Variants in MXD1 observed in about 807,000 individuals in gnomAD.
MXD1 encodes the protein MAX dimerization protein 1, also known as MAX-binding protein.
Under a neutral mutation model 25.7 loss-of-function variants are expected in MXD1, and 9 were observed. That is an observed-to-expected ratio of 0.35 (90% CI 0.21 to 0.61). The LOEUF (loss-of-function observed/expected upper bound fraction) is 0.61, where lower values mean the gene tolerates loss of function less well. MXD1 is among the 20% of genes least tolerant of loss of function. The probability of loss-of-function intolerance (pLI) is 0.75; values close to 1 mark genes in which losing one functional copy is unlikely to be tolerated. For synonymous variants in MXD1, 99 were observed against 113.9 expected, an observed-to-expected ratio of 0.87 and a Z score of 0.83; for missense variants, 227 against 292.4, an observed-to-expected ratio of 0.78 and a Z score of 1.63.
At chr2:69,922,535 G>T (rs986252450) in intron 3 of MXD1, among the ~76,000 whole-genome samples, 2 of 152,158 alleles carry the variant, frequency 1.3e-5, no homozygotes, top group Non-Finnish European at 2.9e-5. Flanking sequence ...TGAGGGTAGA[G>T]AACAAAGGTT....
chr2:69,915,472 G>A lies in MXD1; in HGVS notation c.73+69G>A. On this transcript the variant is annotated intron_variant, in intron 1 of 5. Transcript: ENST00000264444. The surrounding 1 kb of genome is among the most constrained non-coding windows in gnomAD (Gnocchi z 5.8). ...GTCCTGTGGGGCCGGCCTCAGGTCC[G>A]GGCGCCCAGCCGCTCCGGGGGTGGT... 1 of 1,213,094 alleles carries A rather than the reference G, an allele frequency of 8.2e-7. No individual in the cohort carries two copies. Among genetic ancestry groups the A allele is most frequent in the Non-Finnish European group, 1.0e-6 (1 of 954,364 alleles). 75.1% of individuals were successfully genotyped at this position (1,213,094 alleles called of 1,614,324 possible).
intron 3 of MXD1, among the ~76,000 whole-genome samples, chr2:69,933,695 C>G (rs1031599324): frequency 6.6e-6 from 1 of 152,224 alleles, no homozygotes; most frequent in Non-Finnish European, 1.5e-5. Context: ...GGGGAACATC[C>G]TGAAGTCTCC....
chr2:69,925,076 G>T (rs1227247502), intron 3 of MXD1, among the ~76,000 whole-genome samples: 1 of 152,140 alleles, frequency 6.6e-6, no homozygotes, highest in South Asian at 2.1e-4. Flanking sequence ...ATGCCGTGTA[G>T]TAGGTGCTGG....
At chr2:69,935,291 C>G in intron 3 of MXD1, 60 bp from the exon 4 acceptor site, 9 of 1,213,556 alleles carry the variant, frequency 7.4e-6, no homozygotes, top group East Asian at 2.4e-5. Context: ...CTCATTCTGC[C>G]TGGGGTGCTT....
chr2:69,929,924 A>C (rs1417797467), intron 3 of MXD1, among the ~76,000 whole-genome samples: 4 of 152,198 alleles, frequency 2.6e-5, no homozygotes, highest in African/African-American at 7.2e-5. Context: ...TTATAATACA[A>C]TTTAATATCT....
intron 5 of MXD1, 84 bp downstream of exon 5, chr2:69,937,478 A>C: frequency 7.5e-7 from 1 of 1,333,462 alleles, no homozygotes; most frequent in Non-Finnish European, 1.0e-6. Flanking sequence ...CAGGAGGCAG[A>C]GTGTAAGAAG....
chr2:69,936,392 G>A (rs1332756819), intron 4 of MXD1, among the ~76,000 whole-genome samples: 2 of 152,130 alleles, frequency 1.3e-5, no homozygotes, highest in Admixed American at 1.3e-4. Flanking sequence ...CTAGGGTATC[G>A]GGCACAGAGT....
chr2:69,917,757 A>G (rs1339633884), intron 2 of MXD1, among the ~76,000 whole-genome samples: 1 of 152,026 alleles, frequency 6.6e-6, no homozygotes, highest in African/African-American at 2.4e-5. Context: ...GAAAAATAAT[A>G]GTAGTTAAGA....
At chr2:69,925,137 A>G (rs564798513) in intron 3 of MXD1, among the ~76,000 whole-genome samples, 27 of 152,074 alleles carry the variant, frequency 1.8e-4, no homozygotes, top group African/African-American at 6.5e-4. Flanking sequence ...AGCTCAGATT[A>G]ATATCACTCT....
At chr2:69,924,717 TAAAATC>T (rs1485465229) in intron 3 of MXD1, among the ~76,000 whole-genome samples, 2 of 149,426 alleles carry the variant, frequency 1.3e-5, no homozygotes, top group Non-Finnish European at 3.0e-5. Context: ...GCCTTTTGGC[TAAAATC>T]AAGTGTAAAA....
chr2:69,929,152 G>A (rs1422585863), intron 3 of MXD1, among the ~76,000 whole-genome samples: 8 of 152,102 alleles, frequency 5.3e-5, no homozygotes, highest in African/African-American at 7.2e-5. Flanking sequence ...CTCGGCCTCC[G>A]AAAGTGCTGG....
Position 69,938,081 on chromosome 2 carries a change from C to G in MXD1, c.479-16C>G. Reference sequence around the variant, plus strand: ...AGCGCTTTCATCAATGTCCTTCTCTCTTGTCCTCCCTGCAGAAGAAATCGA... The same window carrying G: ...AGCGCTTTCATCAATGTCCTTCTCTGTTGTCCTCCCTGCAGAAGAAATCGA... On this transcript the variant is annotated splice_polypyrimidine_tract_variant and intron_variant, in intron 5 of 5. Transcript: ENST00000264444. 6.2e-7 allele frequency: 1 copy of G among 1,612,192 alleles called. No homozygotes were observed. The highest frequency in any genetic ancestry group is 1.7e-5 in the Admixed American group (1 of 59,950).
At chr2:69,927,286 AT>A (rs1677188900) in intron 3 of MXD1, among the ~76,000 whole-genome samples, 2 of 152,328 alleles carry the variant, frequency 1.3e-5, no homozygotes, top group South Asian at 4.1e-4. Context: ...TATGCATTGC[AT>A]CACTCTTATT....
At chr2:69,930,946 A>G (rs1677267449) in intron 3 of MXD1, among the ~76,000 whole-genome samples, 1 of 152,218 alleles carries the variant, frequency 6.6e-6, no homozygotes, top group African/African-American at 2.4e-5. Context: ...AACTGAGGCT[A>G]CACAGAGTTA....
In MXD1 at chr2:69,938,328, G is replaced by C. The variant is rs1334509878; in HGVS notation, c.*44G>C. 6.3e-7 allele frequency: 1 copy of C among 1,599,356 alleles called. No individual in the cohort carries two copies. The highest frequency in any genetic ancestry group is 8.5e-7 in the Non-Finnish European group (1 of 1,170,066). On this transcript the variant is annotated 3_prime_UTR_variant, in exon 6 of 6. Transcript: ENST00000264444. ...TGTCTCCTTGAAGGTTCTCCCTGTT[G>C]GTTCTGATTAGGTAACGTATTGGAC...
intron 3 of MXD1, 53 bp from the exon 4 acceptor site, chr2:69,935,298 G>T: frequency 7.7e-7 from 1 of 1,296,296 alleles, no homozygotes; most frequent in South Asian, 1.2e-5. Flanking sequence ...TGCCTGGGGT[G>T]CTTCTGGCCC....
chr2:69,926,303 C>T (rs565603752), intron 3 of MXD1, among the ~76,000 whole-genome samples: 1 of 151,352 alleles, frequency 6.6e-6, no homozygotes, highest in East Asian at 1.9e-4. Flanking sequence ...TGATCCATCT[C>T]TTCTTCCTGT....
intron 4 of MXD1, 99 bp from the exon 5 acceptor site, chr2:69,937,136 A>AAGTGTGGC: frequency 6.8e-7 from 1 of 1,479,610 alleles, no homozygotes; most frequent in Non-Finnish European, 9.4e-7. Context: ...GCGTCTGAGG[A>AAGTGTGGC]AGTGTGGCGC....
intron 2 of MXD1, among the ~76,000 whole-genome samples, chr2:69,920,640 C>A (rs1053332700): frequency 6.6e-6 from 1 of 152,130 alleles, no homozygotes; most frequent in Non-Finnish European, 1.5e-5. Flanking sequence ...ATTTCCTAAG[C>A]CCAGTAAGGT....
Sources: allele counts gnomAD v4.1 joint callset (sites outside exome capture counted in the v4.1 genomes callset), GRCh38; gene constraint gnomAD v4.1.1; non-coding constraint Gnocchi (gnomAD v3.1); transcripts MANE v1.5; gene names NCBI Gene and HGNC (gene_info 2026-07-23, HGNC 2026-07-21).